Variants in DNAH10 observed in about 807,000 individuals in gnomAD.
The protein encoded by DNAH10 is dynein axonemal heavy chain 10.
Under a neutral mutation model 506.6 loss-of-function variants are expected in DNAH10, and 348 were observed. That is an observed-to-expected ratio of 0.69 (90% CI 0.63 to 0.75). The LOEUF is 0.75. Among genes scored for constraint, DNAH10 ranks in the 30% least tolerant of loss-of-function variants. The pLI, the probability that DNAH10 is intolerant of heterozygous loss-of-function variation, is 0.00. For synonymous variants in DNAH10, 2,059 were observed against 2,198.6 expected, an observed-to-expected ratio of 0.94 and a Z score of 1.78; for missense variants, 5,179 against 5,787.1, an observed-to-expected ratio of 0.89 and a Z score of 3.41.
At chr12:123,862,233 A>T (rs561848239) in intron 39 of DNAH10, among the ~76,000 whole-genome samples, 2 of 152,248 alleles carry the variant, frequency 1.3e-5, no homozygotes, top group Non-Finnish European at 2.9e-5. Flanking sequence ...GAGATAACTT[A>T]TGACTAAGTA....
Position 123,929,664 on chromosome 12 carries a change from G to A in DNAH10, c.12517G>A (p.Val4173Ile). Residue 4173 changes from valine to isoleucine, a missense_variant and splice_region_variant, in exon 72 of 79, where the codon GTC becomes ATC. Around this residue, in one of 3 missense-constraint regions of DNAH10, gnomAD observed 4,844 missense variants for 5,430.5 expected, o/e 0.89. Transcript: ENST00000673944. ...ACTGAGCGTGTTCTCTTCTTTCAAG[G>A]TCTGCATGGAAATTCTGAACACGTA... ...YYDFNESDFQ[V>I]CMEILNTYLT... 6.2e-7 allele frequency: 1 copy of A among 1,612,538 alleles called. No individual in the cohort carries two copies.
rs1441170075 is a variant in DNAH10, at chr12:123,926,240, A to T, written c.11922-397A>T. On this transcript the variant is annotated intron_variant, in intron 68 of 78. Transcript: ENST00000673944. This position sits in a 1 kb window ranked among gnomAD's most constrained non-coding sequence, Gnocchi z 4.1. ...AGTGAGATTATATATTTCAATTTAA[A>T]AAAAAAAAAAAAAAAGAAAAAGAAA... 1.5e-5 allele frequency among the ~76,000 whole-genome samples: 2 copies of T among 134,480 alleles called. No individual in the cohort carries two copies. Among genetic ancestry groups the T allele is most frequent in the African/African-American group, 7.3e-5 (2 of 27,348 alleles). The allele number at this position is 134,480 out of a possible 152,430, so 88.2% of individuals were successfully genotyped here.
rs1362726201 is a variant in DNAH10, at chr12:123,924,421, G to T, written c.11755G>T (p.Val3919Phe). Residue 3919 changes from valine (V) to phenylalanine (F), a missense_variant, in exon 67 of 79, where the codon GTC becomes TTC. By Grantham distance (50) the Val-to-Phe change is conservative (BLOSUM62 -1). Transcript: ENST00000673944. Reference sequence around the variant, plus strand: ...TGATGATGTTGAGAATAATCAGACTGTCTGGCAGGAGGTGAGCCCACGTTC... The same window carrying T: ...TGATGATGTTGAGAATAATCAGACTTTCTGGCAGGAGGTGAGCCCACGTTC... ...LPDDVENNQT[V>F]WQEWYDLDSL... 1 of 1,612,542 alleles carries T rather than the reference G, an allele frequency of 6.2e-7. No individual in the cohort carries two copies. The highest frequency in any genetic ancestry group is 8.5e-7 in the Non-Finnish European group (1 of 1,178,906).
At position 123,820,585 on chromosome 12, in the gene DNAH10, G is replaced by A; in HGVS notation, c.4006G>A (p.Glu1336Lys). ...TCGGTGTATTTATTTACTAGGAGTAGAGCTTTTAGGTGTTTATGAAAGAGA... is the reference window on the plus strand; with the variant it reads ...TCGGTGTATTTATTTACTAGGAGTAAAGCTTTTAGGTGTTTATGAAAGAGA... ...SVGDDLDKGV[E>K]LLGVYERELA... The change falls in exon 24 of 79, where the codon GAG (glutamate) becomes AAG (lysine). Residue 1336 changes from glutamate to lysine, a missense_variant. Glu to Lys is a moderately conservative substitution (Grantham distance 56, BLOSUM62 1). This residue lies in a region of DNAH10 where 4,844 missense variants were observed against 5,430.5 expected (regional missense o/e 0.89). Transcript: ENST00000673944. 6.2e-7 allele frequency: 1 copy of A among 1,613,556 alleles called. No homozygotes were observed. Among genetic ancestry groups the A allele is most frequent in the Non-Finnish European group, 8.5e-7 (1 of 1,179,772 alleles).
At chr12:123,879,828 G>A in intron 50 of DNAH10, 27 bp downstream of exon 50, 5 of 1,605,878 alleles carry the variant, frequency 3.1e-6, no homozygotes, top group Non-Finnish European at 4.3e-6. Flanking sequence ...CCCTGTCCAT[G>A]GGCTCACTTT....
chr12:123,825,197 T>TG (rs1366817013), intron 24 of DNAH10, among the ~76,000 whole-genome samples: 1 of 151,926 alleles, frequency 6.6e-6, no homozygotes, highest in East Asian at 1.9e-4. Context: ...ATCACAGTAT[T>TG]GCATATTGTG....
Position 123,925,101 on chromosome 12 carries a change from A to G in DNAH10, c.11818A>G (p.Asn3940Asp). The G allele has an allele frequency of 6.2e-7, 1 of 1,614,028 alleles. No individual in the cohort carries two copies. The highest frequency in any genetic ancestry group is 8.5e-7 in the Non-Finnish European group (1 of 1,179,874). Residue 3940 changes from asparagine to aspartate, a missense_variant, in exon 68 of 79, where the codon AAC becomes GAC. Transcript: ENST00000673944. The surrounding 1 kb of genome is among the most constrained non-coding windows in gnomAD (Gnocchi z 4.0). ...EQFPVPLGYD[N>D]NITPFQKLLI... is the part of the protein sequence containing the mutation. ...GTTTCCCGTCCCCTTGGGTTACGAT[A>G]ACAACATCACCCCTTTCCAGAAGTT...
rs1021841321 is a variant in DNAH10, at chr12:123,925,315, C to T, written c.11921+111C>T. The T allele has an allele frequency of 1.9e-5, 27 of 1,391,624 alleles. No homozygotes were observed. The highest frequency in any genetic ancestry group is 3.8e-5 in the Admixed American group (2 of 53,072). 86.2% of individuals were successfully genotyped at this position (1,391,624 alleles called of 1,614,324 possible). ...GCTGACCAGCTCCCGAGACAGCTGT[C>T]GCCACCCTGCTGTACAATATTCGAT... On this transcript the variant is annotated intron_variant, in intron 68 of 78. Transcript: ENST00000673944. This position sits in a 1 kb window ranked among gnomAD's most constrained non-coding sequence, Gnocchi z 4.0.
chr12:123,785,695 T>C lies in DNAH10; in HGVS notation c.1231-51T>C, dbSNP rs370339336. 1 of 1,438,108 alleles carries C rather than the reference T, an allele frequency of 7.0e-7. No individual in the cohort carries two copies. Among genetic ancestry groups the C allele is most frequent in the African/African-American group, 1.4e-5 (1 of 70,098 alleles). The allele number at this position is 1,438,108 out of a possible 1,614,324, so 89.1% of individuals were successfully genotyped here. A position where few individuals can be genotyped will look rare whatever the true frequency, so the allele number is the denominator to read the frequency against. ...CATGCTTACTGTTTTATGAAACTAT[T>C]TGGACCCCAAGGCTAAGGGCTCTTG... On this transcript the variant is annotated intron_variant, in intron 8 of 78. Coordinates refer to ENST00000673944, the MANE Select transcript of DNAH10 (RefSeq NM_001372106.1). The surrounding 1 kb of genome is among the most constrained non-coding windows in gnomAD (Gnocchi z 4.1).
intron 30 of DNAH10, 37 bp from the exon 31 acceptor site, chr12:123,845,563 T>C (rs778804979): frequency 5.0e-6 from 8 of 1,605,788 alleles, no homozygotes; most frequent in Non-Finnish European, 5.9e-6. Context: ...AGTCCCCGGA[T>C]TGATCAGAGC....
chr12:123,836,757 C>A (rs546903781), intron 28 of DNAH10, among the ~76,000 whole-genome samples: 2 of 152,076 alleles, frequency 1.3e-5, no homozygotes, highest in African/African-American at 4.8e-5. Context: ...CGGTGACTCA[C>A]GCCTGTAATC....
In DNAH10 at chr12:123,893,303, GA is replaced by G; in HGVS notation, c.9068del (p.Lys3023SerfsTer16). The G allele has an allele frequency of 6.2e-7, 1 of 1,614,070 alleles. No individual in the cohort carries two copies. Among genetic ancestry groups the G allele is most frequent in the South Asian group, 1.1e-5 (1 of 91,084 alleles). ...ILSQIGQEALKQGMGPAKESV... is the reference protein window; with the variant it reads ...ILSQIGQEALXQGMGPAKESV... ...TGAGTCAGATTGGACAGGAAGCTCT[GA>G]AGCAAGGCATGGGGCCGGCCAAGGA... On this transcript the variant is annotated frameshift_variant, in exon 53 of 79. Transcript: ENST00000673944. LOFTEE classifies it high-confidence loss of function.
chr12:123,775,655 T>C (rs1957411896), intron 5 of DNAH10, among the ~76,000 whole-genome samples: 1 of 152,080 alleles, frequency 6.6e-6, no homozygotes, highest in African/African-American at 2.4e-5. Flanking sequence ...ATGGCCACTG[T>C]GGCTGGAGGG....
intron 54 of DNAH10, among the ~76,000 whole-genome samples, chr12:123,895,212 T>C (rs762721878): frequency 6.6e-6 from 1 of 152,240 alleles, no homozygotes; most frequent in Non-Finnish European, 1.5e-5. Flanking sequence ...TGCATTCTCA[T>C]TGAATTTCTA....
chr12:123,820,890 C>T (rs944600247), intron 24 of DNAH10, 132 bp downstream of exon 24: 34 of 1,041,622 alleles, frequency 3.3e-5, no homozygotes, highest in Middle Eastern at 2.4e-4. Flanking sequence ...TCATTTTGGC[C>T]GCAGGGAAGG....
intron 28 of DNAH10, among the ~76,000 whole-genome samples, chr12:123,836,060 G>C (rs1961099177): frequency 1.3e-5 from 2 of 152,152 alleles, no homozygotes; most frequent in African/African-American, 2.4e-5. Context: ...ATATTTGCTT[G>C]TTTAAAATAT....
chr12:123,894,640 A>G lies in DNAH10; in HGVS notation c.9200-3A>G. Reference sequence around the variant, plus strand: ...ATCTTTTTAATCTCTCTTTCCTTTCAAGGTATGGTAAATAACACTGGTATT... The same window carrying G: ...ATCTTTTTAATCTCTCTTTCCTTTCGAGGTATGGTAAATAACACTGGTATT... On this transcript the variant is annotated splice_region_variant and splice_polypyrimidine_tract_variant and intron_variant, in intron 53 of 78. Coordinates refer to ENST00000673944, the MANE Select transcript of DNAH10 (RefSeq NM_001372106.1). 1.2e-6 allele frequency: 2 copies of G among 1,613,522 alleles called. No homozygotes were observed. The highest frequency in any genetic ancestry group is 1.7e-5 in the Admixed American group (1 of 60,012).
intron 29 of DNAH10, 143 bp downstream of exon 29, chr12:123,838,832 A>C: frequency 1.3e-6 from 1 of 750,070 alleles, no homozygotes; most frequent in Non-Finnish European, 2.1e-6. Flanking sequence ...TTGTTTTTTG[A>C]GACAGGGTCT....
rs569012372 is a variant in DNAH10, at chr12:123,799,377, C to T, written c.2289+6C>T. On this transcript the variant is annotated splice_donor_region_variant and intron_variant, in intron 14 of 78. Coordinates refer to ENST00000673944, the MANE Select transcript of DNAH10 (RefSeq NM_001372106.1). ...AGAAGAGCCTTTTGACCAAGGTGCG[C>T]TGCCCACGCCCTCATTCCCGATTGC... 2.5e-6 allele frequency: 4 copies of T among 1,610,354 alleles called. No individual in the cohort carries two copies. Among genetic ancestry groups the T allele is most frequent in the Non-Finnish European group, 3.4e-6 (4 of 1,177,456 alleles).
Sources: gnomAD v4.1 joint callset for allele counts (sites outside exome capture counted in the v4.1 genomes callset) on GRCh38, gnomAD v4.1.1 for gene constraint, gnomAD v4.1.1 regional missense constraint, Gnocchi (gnomAD v3.1) non-coding constraint, MANE v1.5 for transcripts, NCBI Gene and HGNC (gene_info 2026-07-23, HGNC 2026-07-21) for gene names.